Variants in CCNY observed in about 807,000 individuals in gnomAD.
The protein encoded by CCNY is cyclin-Y.
In CCNY, 19 loss-of-function variants were observed where a neutral mutation model predicts 42.8. The ratio of observed to expected loss-of-function variants is 0.44; its 90% CI spans 0.31 to 0.65. The LOEUF is 0.65. CCNY is among the 30% of genes least tolerant of loss of function. The pLI is 0.07. For synonymous variants in CCNY, 165 were observed against 162.7 expected (o/e 1.01, Z -0.11); for missense variants, 370 against 437.3 (o/e 0.85, Z 1.37).
chr10:35,570,698 C>A lies in CCNY; in HGVS notation c.*1528C>A, dbSNP rs1158602349. 6.6e-6 allele frequency: 1 copy of A among 152,286 alleles called. No individual in the cohort carries two copies. The highest frequency in any genetic ancestry group is 1.5e-5 in the Non-Finnish European group (1 of 68,016). The allele number at this position is 152,286 out of a possible 1,614,324, so 9.4% of individuals were successfully genotyped here. A position where few individuals can be genotyped will look rare whatever the true frequency, so the allele number is the denominator to read the frequency against. On this transcript the variant is annotated 3_prime_UTR_variant, in exon 10 of 10. Transcript: ENST00000374704. ...CTTCTTCCCATGTGAGCTTGGAAAA[C>A]TTTGGCATCTTAATTAGTCTTGAAT... is the stretch of plus-strand genomic sequence containing the variant.
rs1841670918 is a variant in CCNY at position 35,570,782 on chromosome 10, G to C, written c.*1612G>C. 1.3e-5 allele frequency: 2 copies of C among 152,338 alleles called. No homozygotes were observed. The highest frequency in any genetic ancestry group is 4.1e-4 in the South Asian group (2 of 4,832). The allele number at this position is 152,338 out of a possible 1,614,324, so 9.4% of individuals were successfully genotyped here. ...AATGAAACATGCTTTGGAAATGGAA[G>C]GGACTCAGAAAGTCGAAATCCCAAG... On this transcript the variant is annotated 3_prime_UTR_variant, in exon 10 of 10. Coordinates refer to ENST00000374704, the MANE Select transcript of CCNY (RefSeq NM_145012.6).
intron 3 of CCNY, among the ~76,000 whole-genome samples, chr10:35,252,590 AAAT>A: frequency 1.5e-5 from 1 of 65,096 alleles, no homozygotes; most frequent in Non-Finnish European, 3.1e-5. Context: ...AAAAAAAAAA[AAAT>A]GAGAATATCC....
chr10:35,564,093 T>C lies in CCNY; in HGVS notation c.747-1930T>C, dbSNP rs533552176. Among the ~76,000 whole-genome samples the C allele has an allele frequency of 2.0e-5, 3 of 152,226 alleles. No homozygotes were observed. The East Asian group carries it at 5.8e-4, about 29-fold the overall frequency. On this transcript the variant is annotated intron_variant, in intron 8 of 9. Transcript: ENST00000374704. ...CGAGGTTTCACCCTGTTGGCCAGGCTGGTCTCAAACTCCTAAACTCAGGTG... is the reference window on the plus strand; with the variant it reads ...CGAGGTTTCACCCTGTTGGCCAGGCCGGTCTCAAACTCCTAAACTCAGGTG...
At chr10:35,416,633 C>T (rs1838031291) in intron 1 of CCNY, among the ~76,000 whole-genome samples, 2 of 152,116 alleles carry the variant, frequency 1.3e-5, no homozygotes, top group Non-Finnish European at 2.9e-5. Flanking sequence ...TTTCCTGTTG[C>T]TTTCTGTGCT....
intron 2 of CCNY, among the ~76,000 whole-genome samples, chr10:35,500,608 A>G (rs1840091346): frequency 6.6e-6 from 1 of 152,202 alleles, no homozygotes; most frequent in Non-Finnish European, 1.5e-5. Context: ...AATGAAACCT[A>G]TTCTTCATGT....
chr10:35,338,951 T>C (rs924274034), intron 1 of CCNY, among the ~76,000 whole-genome samples: 5 of 152,182 alleles, frequency 3.3e-5, no homozygotes, highest in African/African-American at 1.2e-4. Flanking sequence ...AGTGAAATGA[T>C]ATTGTGTGTT....
At position 35,507,793 on chromosome 10, in the gene CCNY, T is replaced by A. The variant is rs899921845; in HGVS notation, c.264+6258T>A. Among the ~76,000 whole-genome samples, 7 of 9,362 alleles carry A rather than the reference T, an allele frequency of 7.5e-4. No homozygotes were observed. The Non-Finnish European group carries it at 0.064, about 86-fold the overall frequency. The allele number at this position is 9,362 out of a possible 152,430, so 6.1% of individuals were successfully genotyped here. On this transcript the variant is annotated intron_variant, in intron 3 of 9. Transcript: ENST00000374704. ...ACACTGTTGAAGAATACAGGGCCAG[T>A]TTTTTTTTTTTTTTTAAATAATAAT... is the stretch of plus-strand genomic sequence containing the variant.
At chr10:35,352,388 A>C (rs1327294964) in intron 1 of CCNY, among the ~76,000 whole-genome samples, 1 of 152,186 alleles carries the variant, frequency 6.6e-6, no homozygotes, top group South Asian at 2.1e-4. Flanking sequence ...TGTTGGAGAG[A>C]AAACAGAATT....
intron 3 of CCNY, among the ~76,000 whole-genome samples, chr10:35,262,925 G>GAA (rs35835078): frequency 9.4e-4 from 139 of 147,734 alleles, no homozygotes; most frequent in African/African-American, 2.5e-3. Context: ...GTTCTAAAAG[G>GAA]AAAAAAAAAA....
intron 3 of CCNY, among the ~76,000 whole-genome samples, chr10:35,276,354 T>C (rs547108651): frequency 6.6e-6 from 1 of 152,324 alleles, no homozygotes; most frequent in East Asian, 1.9e-4. Context: ...TCCTCATTGC[T>C]ATGTCAGAGA....
At chr10:35,404,676 G>T (rs1203094915) in intron 1 of CCNY, among the ~76,000 whole-genome samples, 1 of 152,094 alleles carries the variant, frequency 6.6e-6, no homozygotes, top group Non-Finnish European at 1.5e-5. Flanking sequence ...GCTATCTAAA[G>T]GTGAAAGTAT....
intron 3 of CCNY, among the ~76,000 whole-genome samples, chr10:35,514,329 A>G (rs919392452): frequency 6.6e-6 from 1 of 152,192 alleles, no homozygotes; most frequent in Non-Finnish European, 1.5e-5. Flanking sequence ...AAGTTATTAA[A>G]TAGTTTAAAA....
chr10:35,282,112 C>A (rs1407393738), intron 3 of CCNY, among the ~76,000 whole-genome samples: 3 of 135,060 alleles, frequency 2.2e-5, no homozygotes, highest in East Asian at 2.4e-4. Flanking sequence ...CTCATCTACA[C>A]CCTTTTTTTT....
At chr10:35,372,097 C>T (rs1421003963) in intron 1 of CCNY, among the ~76,000 whole-genome samples, 1 of 152,144 alleles carries the variant, frequency 6.6e-6, no homozygotes, top group African/African-American at 2.4e-5. Flanking sequence ...CTGGCAGATG[C>T]ATATGTGCTT....
At chr10:35,436,150 G>A (rs1838527509) in intron 1 of CCNY, among the ~76,000 whole-genome samples, 2 of 152,128 alleles carry the variant, frequency 1.3e-5, no homozygotes, top group Admixed American at 6.6e-5. Context: ...ACTGGGCAAG[G>A]CCAGGAGGGA....
rs1008695031 is a variant in CCNY, at chr10:35,336,997, C to G, written c.-57C>G. The G allele has an allele frequency of 4.6e-6, 6 of 1,315,166 alleles. No homozygotes were observed. The African/African-American group carries it at 9.0e-5, about 20-fold the overall frequency. The allele number at this position is 1,315,166 out of a possible 1,614,324, so 81.5% of individuals were successfully genotyped here. On this transcript the variant is annotated 5_prime_UTR_variant, in exon 1 of 10. Transcript: ENST00000374704. ...GCCCGCGCCCCGCGTCCACCCGCGC[C>G]CCGCTCCCGGGGACTGGGAGAACAG...
intron 1 of CCNY, among the ~76,000 whole-genome samples, chr10:35,365,302 C>T (rs892076517): frequency 6.6e-6 from 1 of 152,108 alleles, no homozygotes; most frequent in African/African-American, 2.4e-5. Flanking sequence ...TTTAACTTGT[C>T]CTCATGATAT....
chr10:35,560,639 C>T (rs1280739723), intron 8 of CCNY, among the ~76,000 whole-genome samples: 1 of 152,172 alleles, frequency 6.6e-6, no homozygotes, highest in East Asian at 1.9e-4. Context: ...CAAACTAATA[C>T]ACCCTGTAAA....
chr10:35,312,572 T>C (rs898848661), intron 3 of CCNY, among the ~76,000 whole-genome samples: 3 of 151,652 alleles, frequency 2.0e-5, no homozygotes, highest in Non-Finnish European at 1.5e-5. Context: ...CAAGTCATTC[T>C]CCGTTTTGCG....
Sources: gnomAD v4.1 joint callset for allele counts (sites outside exome capture counted in the v4.1 genomes callset) on GRCh38, gnomAD v4.1.1 for gene constraint, MANE v1.5 for transcripts, NCBI Gene and HGNC (gene_info 2026-07-23, HGNC 2026-07-21) for gene names.